The following ZFHX3 variants were observed in gnomAD, a reference collection of about 807,000 sequenced individuals.
The protein encoded by ZFHX3 is zinc finger homeobox protein 3.
In ZFHX3, 42 loss-of-function variants were observed where a neutral mutation model predicts 279.1. That is an observed-to-expected ratio of 0.15 (90% CI 0.12 to 0.19). The LOEUF is 0.19. ZFHX3 is among the 10% of genes least tolerant of loss of function. The probability of loss-of-function intolerance (pLI) is 1.00; values close to 1 mark genes in which losing one functional copy is unlikely to be tolerated. For synonymous variants in ZFHX3, 2,293 were observed against 1,957.8 expected (o/e 1.17, Z -4.52); for missense variants, 4,981 against 4,754.0 (o/e 1.05, Z -1.40).
chr16:73,308,289 A>AT (rs1172022989), intron 4 of ZFHX3, among the ~76,000 whole-genome samples: 1 of 98,676 alleles, frequency 1.0e-5, no homozygotes, highest in Non-Finnish European at 2.0e-5. Flanking sequence ...TTATTTATTT[A>AT]TTTTTGAGAC....
chr16:73,867,125 C>G (rs1008390738), intron 1 of ZFHX3, among the ~76,000 whole-genome samples: 7 of 152,098 alleles, frequency 4.6e-5, no homozygotes, highest in Non-Finnish European at 8.8e-5. Flanking sequence ...TACAGGTGAA[C>G]TGAGACGGGG....
rs1597269203 is a variant in ZFHX3 at position 73,296,936 on chromosome 16, T to C, written c.-1194+21304A>G. Among the ~76,000 whole-genome samples, 4 of 143,182 alleles carry C rather than the reference T, an allele frequency of 2.8e-5. 1 individual carries two copies. In the South Asian group the frequency reaches 9.4e-4, roughly 34 times the overall value. 93.9% of individuals were successfully genotyped at this position (143,182 alleles called of 152,430 possible). The stretch of plus-strand genomic sequence containing the variant: ...TTCTGTCACCCAGGCTGGAGTTCAG[T>C]GGCGCTATCTCGGCTCACTGCAACT... On this transcript the variant is annotated intron_variant, in intron 4 of 17. Coordinates refer to the ZFHX3 transcript ENST00000641206.
intron 3 of ZFHX3, among the ~76,000 whole-genome samples, chr16:73,440,926 CACAA>C (rs2018082073): frequency 6.6e-6 from 1 of 152,138 alleles, no homozygotes; most frequent in Non-Finnish European, 1.5e-5. Context: ...CATCTTTAGT[CACAA>C]ACAGATTTCC....
rs567040258 is a variant in ZFHX3, at chr16:73,779,190, T to C, written c.-1607-98950A>G. Among the ~76,000 whole-genome samples, 8 of 152,318 alleles carry C rather than the reference T, an allele frequency of 5.3e-5. 1 individual carries two copies. The highest frequency in any genetic ancestry group is 6.8e-3 in the Middle Eastern group (2 of 294). Reference sequence around the variant, plus strand: ...TCCCAACATGTGCCAAAGTATATCTTGGGAATTCTGGGGGTGATTTTTTTT... The same window carrying C: ...TCCCAACATGTGCCAAAGTATATCTCGGGAATTCTGGGGGTGATTTTTTTT... On this transcript the variant is annotated intron_variant, in intron 1 of 17. Coordinates refer to the ZFHX3 transcript ENST00000641206.
chr16:73,450,893 T>A (rs190491021), intron 3 of ZFHX3, among the ~76,000 whole-genome samples: 3,877 of 149,858 alleles, frequency 0.026, 166 homozygotes, highest in African/African-American at 0.094. Flanking sequence ...GCATTTTTAT[T>A]TTTCTTGGCT....
intron 4 of ZFHX3, among the ~76,000 whole-genome samples, chr16:72,839,300 G>T (rs1039091898): frequency 1.3e-5 from 2 of 152,074 alleles, no homozygotes; most frequent in African/African-American, 4.8e-5. Context: ...ATTTGCAGGG[G>T]TTTTTCCTTT....
At chr16:73,026,693 A>AAAC (rs1964522566) in intron 1 of ZFHX3, among the ~76,000 whole-genome samples, 2 of 144,642 alleles carry the variant, frequency 1.4e-5, no homozygotes, top group Non-Finnish European at 3.0e-5. Context: ...AAAAAAAAAA[A>AAAC]AACACATAGT....
chr16:73,107,494 T>C (rs1302074309), intron 7 of ZFHX3, among the ~76,000 whole-genome samples: 2 of 152,166 alleles, frequency 1.3e-5, no homozygotes, highest in East Asian at 3.8e-4. Context: ...TGTTGTCACA[T>C]CTGCATATGA....
At chr16:73,399,033 A>ATTT (rs531100796) in intron 3 of ZFHX3, among the ~76,000 whole-genome samples, 120 of 139,572 alleles carry the variant, frequency 8.6e-4, no homozygotes, top group Middle Eastern at 3.6e-3. Context: ...CCCCCCGCTA[A>ATTT]TTTTTTTTTT....
At chr16:72,896,179 C>T (rs889205866) in intron 3 of ZFHX3, among the ~76,000 whole-genome samples, 13 of 152,218 alleles carry the variant, frequency 8.5e-5, no homozygotes, top group Admixed American at 7.8e-4. Context: ...CGGGGGTCAA[C>T]AGCTACGGCT....
chr16:73,067,475 G>T (rs940944145), intron 8 of ZFHX3, among the ~76,000 whole-genome samples: 2 of 152,308 alleles, frequency 1.3e-5, no homozygotes, highest in East Asian at 1.9e-4. Context: ...GTGCTGGCTT[G>T]TCCCTGCCCC....
At chr16:73,012,570 C>T (rs935851758) in intron 1 of ZFHX3, among the ~76,000 whole-genome samples, 15 of 152,202 alleles carry the variant, frequency 9.9e-5, no homozygotes, top group Non-Finnish European at 1.8e-4. Context: ...ACAGCAGCAA[C>T]CGGCCTTCAT....
intron 2 of ZFHX3, among the ~76,000 whole-genome samples, chr16:73,577,954 A>G (rs765096910): frequency 1.7e-4 from 26 of 152,240 alleles, no homozygotes; most frequent in Non-Finnish European, 3.2e-4. Context: ...AGCAACATGC[A>G]GACTCTAAAA....
In ZFHX3 at chr16:72,785,608, T is replaced by C. The variant is rs1567502349; in HGVS notation, c.*1556A>G. On this transcript the variant is annotated 3_prime_UTR_variant, in exon 10 of 10. Coordinates refer to ENST00000268489, the MANE Select transcript of ZFHX3 (RefSeq NM_006885.4). ...TCTGCATCAGCAGTGAAAGGGTGTG[T>C]CTTTGGATTTTATTTAAAGCATGAA... The C allele has an allele frequency of 6.6e-6, 1 of 152,558 alleles. No homozygotes were observed. The highest frequency in any genetic ancestry group is 1.5e-5 in the Non-Finnish European group (1 of 68,032). The allele number at this position is 152,558 out of a possible 1,614,324, so 9.5% of individuals were successfully genotyped here. A position where few individuals can be genotyped will look rare whatever the true frequency, so the allele number is the denominator to read the frequency against.
chr16:73,176,365 T>C (rs1213061068), intron 5 of ZFHX3, among the ~76,000 whole-genome samples: 5 of 152,200 alleles, frequency 3.3e-5, no homozygotes, highest in African/African-American at 1.2e-4. Context: ...CCTGAAAGTC[T>C]CAAGTGATGA....
intron 2 of ZFHX3, among the ~76,000 whole-genome samples, chr16:73,523,803 A>C (rs908544172): frequency 2.6e-5 from 4 of 152,076 alleles, no homozygotes; most frequent in African/African-American, 9.7e-5. Context: ...ACAAACTTAC[A>C]ATATTTAGAT....
chr16:73,393,404 C>G (rs2017059724), intron 3 of ZFHX3, among the ~76,000 whole-genome samples: 1 of 152,136 alleles, frequency 6.6e-6, no homozygotes, highest in African/African-American at 2.4e-5. Context: ...AGTTCCTGGT[C>G]CTCCCCTTTC....
intron 5 of ZFHX3, among the ~76,000 whole-genome samples, chr16:73,165,105 A>C (rs961653308): frequency 6.6e-6 from 1 of 152,242 alleles, no homozygotes; most frequent in Middle Eastern, 3.2e-3. Context: ...TGACGAGGTC[A>C]GATTTAGAAA....
At chr16:73,020,824 A>T (rs1964272177) in intron 1 of ZFHX3, among the ~76,000 whole-genome samples, 1 of 152,172 alleles carries the variant, frequency 6.6e-6, no homozygotes, top group Non-Finnish European at 1.5e-5. Context: ...GTAAAACGTT[A>T]TGCAGCAGGA....
Sources: gnomAD v4.1 joint callset for allele counts (sites outside exome capture counted in the v4.1 genomes callset) on GRCh38, gnomAD v4.1.1 for gene constraint, MANE v1.5 for transcripts, NCBI Gene and HGNC (gene_info 2026-07-23, HGNC 2026-07-21) for gene names.